Variants in CSMD1 observed in about 807,000 individuals in gnomAD.
The protein encoded by CSMD1 is CUB and sushi domain-containing protein 1.
A neutral mutation model predicts 417.5 loss-of-function variants in CSMD1; 213 were observed. That is an observed-to-expected ratio of 0.51 (90% CI 0.46 to 0.57). CSMD1 has a LOEUF of 0.57. Among genes scored for constraint, CSMD1 ranks in the 20% least tolerant of loss-of-function variants. The pLI is 0.00. For missense variants in CSMD1, 6,923 were observed against 4,529.7 expected (o/e 1.53, Z -15.17); for synonymous variants, 2,862 against 1,736.8 (o/e 1.65, Z -16.11).
chr8:3,956,026 C>G (rs879546183), intron 5 of CSMD1, among the ~76,000 whole-genome samples: 8 of 152,160 alleles, frequency 5.3e-5, no homozygotes, highest in African/African-American at 1.9e-4. Context: ...AACTCCTGAC[C>G]TCAGGTGATC....
At chr8:3,258,174 G>C (rs1800798453) in intron 26 of CSMD1, among the ~76,000 whole-genome samples, 1 of 152,016 alleles carries the variant, frequency 6.6e-6, no homozygotes, top group African/African-American at 2.4e-5. Flanking sequence ...CTAAAGAAAG[G>C]GAGAAAATTT....
chr8:4,396,184 G>C (rs1804195101), intron 3 of CSMD1, among the ~76,000 whole-genome samples: 1 of 152,036 alleles, frequency 6.6e-6, no homozygotes, highest in African/African-American at 2.4e-5. Flanking sequence ...AACATTTCCA[G>C]TTGGGCACAA....
intron 20 of CSMD1, among the ~76,000 whole-genome samples, chr8:3,360,681 G>C (rs900304184): frequency 2.0e-5 from 3 of 152,124 alleles, no homozygotes; most frequent in African/African-American, 7.2e-5. Context: ...GTTTACCGTG[G>C]GGAAGAAACG....
chr8:4,554,839 T>C (rs1239517106), intron 2 of CSMD1, among the ~76,000 whole-genome samples: 1 of 152,112 alleles, frequency 6.6e-6, no homozygotes, highest in Non-Finnish European at 1.5e-5. Flanking sequence ...TAAGCATTGA[T>C]GGGGTTAAAA....
At chr8:4,911,089 C>A (rs1020426855) in intron 1 of CSMD1, among the ~76,000 whole-genome samples, 2 of 152,234 alleles carry the variant, frequency 1.3e-5, no homozygotes, top group Middle Eastern at 3.2e-3. Flanking sequence ...GAGGCCTCCC[C>A]AGCCATGTGG....
rs1435041293 is a variant in CSMD1, at chr8:4,356,563, A to G, written c.415+63390T>C. 2.0e-5 allele frequency among the ~76,000 whole-genome samples: 3 copies of G among 152,190 alleles called. No homozygotes were observed. The East Asian group carries it at 5.8e-4, about 29-fold the overall frequency. Reference sequence around the variant, plus strand: ...GTATTTTAAATATGTTTCATTTTAAATGTCTGTTTCAGTCCATTTTTACCT... The same window carrying G: ...GTATTTTAAATATGTTTCATTTTAAGTGTCTGTTTCAGTCCATTTTTACCT... On this transcript the variant is annotated intron_variant, in intron 3 of 69. Coordinates refer to ENST00000635120, the MANE Select transcript of CSMD1 (RefSeq NM_033225.6).
chr8:4,666,951 A>G (rs1804976263), intron 1 of CSMD1, among the ~76,000 whole-genome samples: 1 of 152,154 alleles, frequency 6.6e-6, no homozygotes, highest in African/African-American at 2.4e-5. Flanking sequence ...TGAAGCATTT[A>G]TAAAATTTTT....
chr8:3,795,119 T>TGTATCTATCATGTATAGCTATAGATAG (rs1799980501), intron 5 of CSMD1, among the ~76,000 whole-genome samples: 1 of 73,974 alleles, frequency 1.4e-5, no homozygotes, highest in Non-Finnish European at 2.9e-5. Context: ...GCTATAGATA[T>TGTATCTATCATGTATAGCTATAGATAG]CTATCATGTA....
Position 4,136,107 on chromosome 8 carries a change from G to T in CSMD1, c.416-104008C>A, listed in dbSNP as rs150649159. Among the ~76,000 whole-genome samples, 367 of 152,210 alleles carry T rather than the reference G, an allele frequency of 2.4e-3. 1 individual carries two copies. Among genetic ancestry groups the T allele is most frequent in the Non-Finnish European group, 3.6e-3 (245 of 68,012 alleles). On this transcript the variant is annotated intron_variant, in intron 3 of 69. Transcript: ENST00000635120. Reference sequence around the variant, plus strand: ...ACTCAGCAAAAGGACTTCCTTTGAAGGAAACTTTCCAAAGGACCTCTCAAA... The same window carrying T: ...ACTCAGCAAAAGGACTTCCTTTGAATGAAACTTTCCAAAGGACCTCTCAAA...
chr8:3,880,369 T>G (rs1430716566), intron 5 of CSMD1, among the ~76,000 whole-genome samples: 1 of 152,228 alleles, frequency 6.6e-6, no homozygotes, highest in African/African-American at 2.4e-5. Flanking sequence ...GTAAACAATA[T>G]GCCAAATTGC....
intron 3 of CSMD1, among the ~76,000 whole-genome samples, chr8:4,058,915 T>G (rs540284907): frequency 1.3e-5 from 2 of 152,120 alleles, no homozygotes; most frequent in South Asian, 2.1e-4. Flanking sequence ...TACCCAGGAA[T>G]TGAACTCAGC....
chr8:3,301,400 T>C (rs1424749167), intron 25 of CSMD1, among the ~76,000 whole-genome samples: 1 of 152,140 alleles, frequency 6.6e-6, no homozygotes, highest in Non-Finnish European at 1.5e-5. Flanking sequence ...AAACTTGCCC[T>C]GGAGGTCTTG....
intron 10 of CSMD1, among the ~76,000 whole-genome samples, chr8:3,495,143 T>C (rs1038281203): frequency 1.3e-5 from 2 of 152,256 alleles, no homozygotes; most frequent in Admixed American, 6.5e-5. Flanking sequence ...TCGAGGTTGA[T>C]AGCTGTTGCA....
chr8:4,543,771 G>C (rs1797513213), intron 2 of CSMD1, among the ~76,000 whole-genome samples: 1 of 150,510 alleles, frequency 6.6e-6, no homozygotes, highest in Admixed American at 6.7e-5. Flanking sequence ...GAGAGTTCCA[G>C]TGGATTCATA....
chr8:4,538,119 A>G (rs1797193517), intron 2 of CSMD1, among the ~76,000 whole-genome samples: 1 of 151,946 alleles, frequency 6.6e-6, no homozygotes, highest in South Asian at 2.1e-4. Context: ...AATAAAATAG[A>G]CCAGAGCCTG....
chr8:3,358,568 G>T (rs1400943031), intron 21 of CSMD1, among the ~76,000 whole-genome samples: 1 of 151,926 alleles, frequency 6.6e-6, no homozygotes, highest in African/African-American at 2.4e-5. Context: ...AGTACTTCAT[G>T]GCAAAGTACC....
At chr8:4,466,419 C>G (rs1266617551) in intron 2 of CSMD1, among the ~76,000 whole-genome samples, 1 of 151,558 alleles carries the variant, frequency 6.6e-6, no homozygotes, top group African/African-American at 2.4e-5. Flanking sequence ...AAAACACTCA[C>G]TTTGATATTG....
chr8:2,999,136 CCT>C (rs1807167259), intron 53 of CSMD1, among the ~76,000 whole-genome samples: 1 of 148,088 alleles, frequency 6.8e-6, no homozygotes, highest in Non-Finnish European at 1.5e-5. Flanking sequence ...TGTAATTTTA[CCT>C]CTTTCTTTTT....
At chr8:3,344,307 A>G (rs561962831) in intron 22 of CSMD1, among the ~76,000 whole-genome samples, 1 of 152,330 alleles carries the variant, frequency 6.6e-6, no homozygotes, top group South Asian at 2.1e-4. Context: ...TAACAGAAAC[A>G]GCACTGACTT....
Sources: allele counts gnomAD v4.1 joint callset (sites outside exome capture counted in the v4.1 genomes callset), GRCh38; gene constraint gnomAD v4.1.1; transcripts MANE v1.5; gene names NCBI Gene and HGNC (gene_info 2026-07-23, HGNC 2026-07-21).